Variants in PCCB observed in about 807,000 individuals in gnomAD.
PCCB encodes the protein propionyl-CoA carboxylase subunit beta.
A neutral mutation model predicts 60.7 loss-of-function variants in PCCB; 43 were observed. That is an observed-to-expected ratio of 0.71 (90% CI 0.55 to 0.91). PCCB has a LOEUF of 0.91. PCCB is among the 40% of genes least tolerant of loss of function. PCCB has a pLI of 0.00. For missense variants in PCCB, 766 were observed against 702.8 expected, an observed-to-expected ratio of 1.09 and a Z score of -1.02; for synonymous variants, 276 against 255.9, an observed-to-expected ratio of 1.08 and a Z score of -0.75.
rs999879072 is a variant in PCCB at position 136,308,931 on chromosome 3, A to G, written c.966+7820A>G. 8.5e-5 allele frequency among the ~76,000 whole-genome samples: 13 copies of G among 152,296 alleles called. No homozygotes were observed. The South Asian group carries it at 1.9e-3, about 22-fold the overall frequency. Reference sequence around the variant, plus strand: ...AGAATATGTTTAAAACGATGAACAGATGAAAATCTGTTTCCTGAAACAGTA... The same window carrying G: ...AGAATATGTTTAAAACGATGAACAGGTGAAAATCTGTTTCCTGAAACAGTA... On this transcript the variant is annotated intron_variant, in intron 9 of 14. Coordinates refer to ENST00000251654, the MANE Select transcript of PCCB (RefSeq NM_000532.5).
At chr3:136,268,482 T>C (rs1187817803) in intron 5 of PCCB, among the ~76,000 whole-genome samples, 1 of 151,018 alleles carries the variant, frequency 6.6e-6, no homozygotes, top group Non-Finnish European at 1.5e-5. Flanking sequence ...TTTTTTTTTT[T>C]AGATGTAGTC....
intron 8 of PCCB, among the ~76,000 whole-genome samples, chr3:136,298,347 T>C (rs1449337175): frequency 6.6e-6 from 1 of 152,188 alleles, no homozygotes; most frequent in Non-Finnish European, 1.5e-5. Context: ...TCTAAGAAAC[T>C]CTCAAGTTAT....
At chr3:136,263,955 T>G (rs1428131828) in intron 5 of PCCB, among the ~76,000 whole-genome samples, 3 of 150,854 alleles carry the variant, frequency 2.0e-5, no homozygotes, top group Non-Finnish European at 2.9e-5. Context: ...GAGGTTACAG[T>G]GAGCCAAGAT....
At chr3:136,297,263 C>G (rs1464625905) in intron 7 of PCCB, among the ~76,000 whole-genome samples, 1 of 152,068 alleles carries the variant, frequency 6.6e-6, no homozygotes, top group African/African-American at 2.4e-5. Context: ...ATGACACGAT[C>G]TGACTTAAAA....
chr3:136,259,067 A>C, intron 3 of PCCB: 1 of 1,001,968 alleles, frequency 1.0e-6, no homozygotes. Context: ...GTTTTAGGAG[A>C]GGTTATGCCC....
intron 5 of PCCB, among the ~76,000 whole-genome samples, chr3:136,283,210 C>T (rs1466245546): frequency 6.6e-6 from 1 of 152,126 alleles, no homozygotes; most frequent in Non-Finnish European, 1.5e-5. Flanking sequence ...ATCATCTTGC[C>T]TGGGTCTTTT....
intron 1 of PCCB, among the ~76,000 whole-genome samples, chr3:136,250,794 T>A (rs962343557): frequency 3.9e-5 from 6 of 152,246 alleles, no homozygotes; most frequent in Admixed American, 3.9e-4. Flanking sequence ...CGGATCTGGC[T>A]CGTCTCTAGC....
chr3:136,299,897 T>C (rs1242720446), intron 8 of PCCB, among the ~76,000 whole-genome samples: 2 of 151,980 alleles, frequency 1.3e-5, no homozygotes, highest in African/African-American at 4.8e-5. Flanking sequence ...CGTATATGCG[T>C]ACATATGTAT....
chr3:136,300,143 T>G (rs183285142), intron 8 of PCCB, among the ~76,000 whole-genome samples: 1 of 149,498 alleles, frequency 6.7e-6, no homozygotes, highest in Non-Finnish European at 1.5e-5. Flanking sequence ...TATCTACACA[T>G]GTGTTCACAT....
At chr3:136,310,416 G>A (rs9866840) in intron 9 of PCCB, among the ~76,000 whole-genome samples, 2 of 151,906 alleles carry the variant, frequency 1.3e-5, no homozygotes, top group Non-Finnish European at 2.9e-5. Flanking sequence ...CCAGCTACTG[G>A]GGAGGCCAAG....
intron 12 of PCCB, 129 bp from the exon 13 acceptor site, chr3:136,327,505 G>A (rs528012659): frequency 2.0e-5 from 16 of 782,008 alleles, no homozygotes; most frequent in Admixed American, 1.0e-4. Flanking sequence ...CTTACAGACC[G>A]TGGGCCTTCA....
chr3:136,263,721 C>T (rs1159925765), intron 5 of PCCB, among the ~76,000 whole-genome samples: 5 of 151,984 alleles, frequency 3.3e-5, no homozygotes, highest in Non-Finnish European at 7.4e-5. Context: ...GATAAAATTT[C>T]AAACTTCAGC....
chr3:136,310,837 T>A (rs1934636193), intron 9 of PCCB, among the ~76,000 whole-genome samples: 1 of 152,014 alleles, frequency 6.6e-6, no homozygotes, highest in African/African-American at 2.4e-5. Context: ...GGGAGAAAAA[T>A]CACAATTATT....
At chr3:136,300,122 G>GTA (rs1163606033) in intron 8 of PCCB, among the ~76,000 whole-genome samples, 1 of 151,582 alleles carries the variant, frequency 6.6e-6, no homozygotes, top group African/African-American at 2.4e-5. Flanking sequence ...ATCTACACGT[G>GTA]TATATATGTA....
rs1325085646 is a variant in PCCB, at chr3:136,298,048, C to T, written c.860C>T (p.Pro287Leu). The stretch of plus-strand genomic sequence containing the variant: ...CCCCTGAGCAGTCAGGACCCGGCTC[C>T]CGTCCGTGAGTGCCACGATCCCAGG... ...YLPLSSQDPA[P>L]VRECHDPSDR... The change falls in exon 8 of 15, where the codon CCC becomes CTC. Residue 287 changes from proline (P) to leucine (L), a missense_variant. Physicochemically the swap from Pro to Leu is moderately conservative, Grantham distance 98. Transcript: ENST00000251654. 6.2e-7 allele frequency: 1 copy of T among 1,613,992 alleles called. No homozygotes were observed. The highest frequency in any genetic ancestry group is 1.3e-5 in the African/African-American group (1 of 74,920).
At chr3:136,271,645 TTTGA>T (rs1942205363) in intron 5 of PCCB, among the ~76,000 whole-genome samples, 1 of 152,184 alleles carries the variant, frequency 6.6e-6, no homozygotes, top group Non-Finnish European at 1.5e-5. Context: ...GAGTTCTTGA[TTTGA>T]TTGTCACTTT....
intron 5 of PCCB, among the ~76,000 whole-genome samples, chr3:136,270,569 G>C (rs1416407527): frequency 6.6e-6 from 1 of 151,990 alleles, no homozygotes; most frequent in East Asian, 1.9e-4. Context: ...ACAATGGCGC[G>C]ATCTCGGCTC....
chr3:136,255,398 G>T, intron 1 of PCCB: 1 of 235,890 alleles, frequency 4.2e-6, no homozygotes, highest in South Asian at 5.7e-5. Flanking sequence ...GGAGCTGGGA[G>T]CAGTAGGGAC....
At chr3:136,288,401 A>T (rs1345715803) in intron 6 of PCCB, among the ~76,000 whole-genome samples, 1 of 151,832 alleles carries the variant, frequency 6.6e-6, no homozygotes, top group Non-Finnish European at 1.5e-5. Flanking sequence ...GCTGGAGTGC[A>T]GTGGTGTGAT....
Sources: allele counts gnomAD v4.1 joint callset (sites outside exome capture counted in the v4.1 genomes callset), GRCh38; gene constraint gnomAD v4.1.1; transcripts MANE v1.5; gene names NCBI Gene and HGNC (gene_info 2026-07-23, HGNC 2026-07-21).